Variants in TET1 observed in about 807,000 individuals in gnomAD.
TET1 encodes the protein methylcytosine dioxygenase TET1.
In TET1, 13 loss-of-function variants were observed where a neutral mutation model predicts 148.7. The observed-to-expected ratio is 0.09, with a 90% CI of 0.06 to 0.14. TET1 has a LOEUF of 0.14. Among genes scored for constraint, TET1 ranks in the 10% least tolerant of loss-of-function variants. The pLI is 1.00. For synonymous variants in TET1, 907 were observed against 937.2 expected, an observed-to-expected ratio of 0.97 and a Z score of 0.59; for missense variants, 2,182 against 2,553.8, an observed-to-expected ratio of 0.85 and a Z score of 3.14.
intron 3 of TET1, among the ~76,000 whole-genome samples, chr10:68,617,979 T>C (rs1031082654): frequency 1.3e-5 from 2 of 151,906 alleles, no homozygotes; most frequent in East Asian, 3.9e-4. Context: ...TGGTGTGCAG[T>C]AGTACAATTA....
chr10:68,573,871 C>T lies in TET1; in HGVS notation c.1533C>T (p.Asn511=), dbSNP rs779298692. ...KQVHISFLPA[N]TQGFPLAPER... is the part of the protein sequence containing the mutation. ...TTCATATAAGCTTCCTGCCAGCTAA[C>T]ACTCAGGGGTTCCCATTAGCCCCTG... Residue 511 remains asparagine (N), a synonymous_variant, in exon 2 of 12, where the codon AAC becomes AAT. Coordinates refer to ENST00000373644, the MANE Select transcript of TET1 (RefSeq NM_030625.3). 6.8e-6 allele frequency: 11 copies of T among 1,614,142 alleles called. No individual in the cohort carries two copies. Among genetic ancestry groups the T allele is most frequent in the East Asian group, 2.2e-5 (1 of 44,870 alleles).
At chr10:68,630,207 A>G (rs1299398831) in intron 3 of TET1, among the ~76,000 whole-genome samples, 2 of 152,206 alleles carry the variant, frequency 1.3e-5, no homozygotes, top group South Asian at 2.1e-4. Context: ...GGTCTTGAAC[A>G]TAGGGGTATT....
chr10:68,625,463 G>A (rs1200437033), intron 3 of TET1, among the ~76,000 whole-genome samples: 2 of 152,132 alleles, frequency 1.3e-5, no homozygotes, highest in African/African-American at 2.4e-5. Context: ...CATCAAAGTC[G>A]CTTAAAAGCG....
In TET1 at chr10:68,693,572, G is replaced by C; in HGVS notation, c.*1758G>C. The stretch of plus-strand genomic sequence containing the variant: ...ACAAAATGTCCATTGATAGACCATC[G>C]TGTACAAGTAGATTTCTGCTTGTTG... On this transcript the variant is annotated 3_prime_UTR_variant, in exon 12 of 12. Coordinates refer to ENST00000373644, the MANE Select transcript of TET1 (RefSeq NM_030625.3). The C allele has an allele frequency of 4.3e-6, 1 of 232,784 alleles. No homozygotes were observed. Among genetic ancestry groups the C allele is most frequent in the African/African-American group, 2.2e-5 (1 of 45,404 alleles). 14.4% of individuals were successfully genotyped at this position (232,784 alleles called of 1,614,324 possible).
rs375807828 is a variant in TET1 at position 68,648,963 on chromosome 10, T to C, written c.4276+1958T>C. ...GTGCCAGTTATCAAGGATAGGCTGT[T>C]CTGAGAAGAATCTCACAATTTGGAA... On this transcript the variant is annotated intron_variant, in intron 4 of 11. Transcript: ENST00000373644. Among the ~76,000 whole-genome samples the C allele has an allele frequency of 3.2e-4, 49 of 152,352 alleles. No homozygotes were observed. In the South Asian group the frequency reaches 9.7e-3, roughly 30 times the overall value.
intron 3 of TET1, among the ~76,000 whole-genome samples, chr10:68,624,706 TTTCC>T (rs1464048413): frequency 1.4e-5 from 2 of 142,590 alleles, no homozygotes; most frequent in Admixed American, 7.2e-5. Context: ...CTTTCTTTCT[TTTCC>T]TTCCTTCTTT....
chr10:68,584,913 C>T (rs545137614), intron 2 of TET1, among the ~76,000 whole-genome samples: 23 of 151,644 alleles, frequency 1.5e-4, no homozygotes, highest in Non-Finnish European at 2.1e-4. Flanking sequence ...CTCCGTCTCC[C>T]GGGTTCAAGC....
chr10:68,633,621 G>A (rs889012523), intron 3 of TET1, among the ~76,000 whole-genome samples: 1 of 151,966 alleles, frequency 6.6e-6, no homozygotes, highest in Admixed American at 6.6e-5. Context: ...TAGAGATAGG[G>A]TTTCACCATA....
At chr10:68,664,860 G>A (rs1056589502) in intron 6 of TET1, among the ~76,000 whole-genome samples, 9 of 151,346 alleles carry the variant, frequency 5.9e-5, no homozygotes, top group Admixed American at 4.6e-4. Flanking sequence ...CTGCAACCTC[G>A]GCTTCCCAGG....
chr10:68,593,642 G>A lies in TET1; in HGVS notation c.1915-7339G>A, dbSNP rs189470023. Among the ~76,000 whole-genome samples, 158 of 151,480 alleles carry A rather than the reference G, an allele frequency of 1.0e-3. 3 individuals are homozygous for A. The highest frequency in any genetic ancestry group is 7.8e-3 in the Admixed American group (119 of 15,180). On this transcript the variant is annotated intron_variant, in intron 2 of 11. Coordinates refer to ENST00000373644, the MANE Select transcript of TET1 (RefSeq NM_030625.3). ...TATTATTATTTTCAGACAGAGTTTC[G>A]CTCTTGTTGCACAGGCTGGAGAGCA... is the stretch of plus-strand genomic sequence containing the variant.
intron 3 of TET1, among the ~76,000 whole-genome samples, chr10:68,634,891 A>C (rs2054627914): frequency 6.6e-6 from 1 of 151,970 alleles, no homozygotes; most frequent in Admixed American, 6.6e-5. Flanking sequence ...CCTCCTGTGT[A>C]GCTGAGATTA....
At chr10:68,595,402 C>T (rs1471782337) in intron 2 of TET1, among the ~76,000 whole-genome samples, 6 of 151,802 alleles carry the variant, frequency 4.0e-5, no homozygotes, top group Non-Finnish European at 8.8e-5. Context: ...AATTGTGTTT[C>T]GGTCTTCAGT....
chr10:68,631,438 T>C lies in TET1; in HGVS notation c.1969-13260T>C, dbSNP rs1383586613. On this transcript the variant is annotated intron_variant, in intron 3 of 11. Transcript: ENST00000373644. ...AAGATTTTGTTTTCTTTCTTCTTTTTTTTTTTTTTTTTTTTTTGTATTTTT... is the reference window on the plus strand; with the variant it reads ...AAGATTTTGTTTTCTTTCTTCTTTTCTTTTTTTTTTTTTTTTTGTATTTTT... Among the ~76,000 whole-genome samples, 46 of 143,422 alleles carry C rather than the reference T, an allele frequency of 3.2e-4. No individual in the cohort carries two copies. The East Asian group carries it at 6.8e-3, about 21-fold the overall frequency. The allele number at this position is 143,422 out of a possible 152,430, so 94.1% of individuals were successfully genotyped here.
chr10:68,690,418 T>C (rs1417193520), intron 11 of TET1, among the ~76,000 whole-genome samples: 3 of 152,210 alleles, frequency 2.0e-5, no homozygotes, highest in South Asian at 4.1e-4. Context: ...CCATCCTGGC[T>C]AACACGGTGA....
intron 3 of TET1, among the ~76,000 whole-genome samples, chr10:68,602,432 C>T (rs186833333): frequency 2.3e-4 from 35 of 152,162 alleles, no homozygotes; most frequent in Non-Finnish European, 4.9e-4. Context: ...TTAAAAATGG[C>T]TCTCATTTGT....
chr10:68,572,517 A>T lies in TET1; in HGVS notation c.179A>T (p.Lys60Ile). ...TTAATTCAAGAAAGAGATGTTAAGA[A>T]AAAAACAGAACCTAAACCACCCGTG... Reference protein sequence around the residue: ...KQLIQERDVKKKTEPKPPVPV... With the variant: ...KQLIQERDVKIKTEPKPPVPV... The change falls in exon 2 of 12, where the codon AAA becomes ATA. Residue 60 changes from lysine to isoleucine, a missense_variant. By Grantham distance (102) the Lys-to-Ile change is moderately radical. Transcript: ENST00000373644. 1 of 1,613,528 alleles carries T rather than the reference A, an allele frequency of 6.2e-7. No individual in the cohort carries two copies.
At chr10:68,647,063 C>T in intron 4 of TET1, 58 bp downstream of exon 4, 1 of 1,504,594 alleles carries the variant, frequency 6.6e-7, no homozygotes, top group Non-Finnish European at 8.9e-7. Context: ...TCAATCATGA[C>T]TGAAGCAAAT....
rs979230824 is a variant in TET1, at chr10:68,580,176, C to G, written c.1914+5924C>G. ...CTCCTCTCCTCAGGTGATCCACCCC[C>G]CTTGGCCTCCCAAAGTGCTGGGATT... On this transcript the variant is annotated intron_variant, in intron 2 of 11. Transcript: ENST00000373644. 5.3e-5 allele frequency among the ~76,000 whole-genome samples: 8 copies of G among 151,882 alleles called. 1 individual carries two copies. The highest frequency in any genetic ancestry group is 4.6e-4 in the Admixed American group (7 of 15,222).
intron 1 of TET1, among the ~76,000 whole-genome samples, chr10:68,570,514 C>T (rs1319662158): frequency 2.6e-5 from 4 of 152,124 alleles, no homozygotes; most frequent in African/African-American, 9.7e-5. Context: ...TAAGTGAGAA[C>T]ATCAGATATT....
Sources: gnomAD v4.1 joint callset for allele counts (sites outside exome capture counted in the v4.1 genomes callset) on GRCh38, gnomAD v4.1.1 for gene constraint, MANE v1.5 for transcripts, NCBI Gene and HGNC (gene_info 2026-07-23, HGNC 2026-07-21) for gene names.